Variants in PPP3CA observed in about 807,000 individuals in gnomAD.
The protein encoded by PPP3CA is protein phosphatase 3 catalytic subunit alpha.
PPP3CA carries 14 observed loss-of-function variants against 66.5 expected under a neutral mutation model. The observed-to-expected ratio is 0.21, with a 90% CI of 0.14 to 0.33. The LOEUF is 0.33. Ranked by LOEUF, PPP3CA falls within the 10% of genes least tolerant of loss-of-function variation. PPP3CA has a pLI of 1.00. For synonymous variants in PPP3CA, 232 were observed against 226.2 expected (o/e 1.03, Z -0.23); for missense variants, 317 against 639.5 (o/e 0.50, Z 5.44).
intron 1 of PPP3CA, among the ~76,000 whole-genome samples, chr4:101,247,739 G>T (rs1726534868): frequency 6.6e-6 from 1 of 152,148 alleles, no homozygotes; most frequent in Non-Finnish European, 1.5e-5. Context: ...ATAGAAAGTT[G>T]CTTACAGTTG....
intron 2 of PPP3CA, among the ~76,000 whole-genome samples, chr4:101,139,697 T>C (rs13125587): frequency 2.3e-5 from 1 of 44,432 alleles, no homozygotes; most frequent in African/African-American, 9.6e-5. Context: ...TTTTTTTGTG[T>C]TTTTTTTTTT....
At chr4:101,330,533 T>C in intron 1 of PPP3CA, 1 of 463,422 alleles carries the variant, frequency 2.2e-6, no homozygotes, top group Non-Finnish European at 4.4e-6. Context: ...TTTTTAAACA[T>C]AATGCTATTG....
intron 1 of PPP3CA, among the ~76,000 whole-genome samples, chr4:101,238,233 A>G (rs929557758): frequency 2.0e-5 from 3 of 152,128 alleles, no homozygotes; most frequent in Admixed American, 6.6e-5. Context: ...TTAAAAAGTC[A>G]TATCACTATA....
chr4:101,282,339 G>A (rs1161090639), intron 1 of PPP3CA, among the ~76,000 whole-genome samples: 4 of 152,194 alleles, frequency 2.6e-5, no homozygotes, highest in South Asian at 2.1e-4. Context: ...GTGATTAGAT[G>A]AGTGAAATGT....
intron 1 of PPP3CA, among the ~76,000 whole-genome samples, chr4:101,213,903 A>G (rs770271835): frequency 6.6e-6 from 1 of 152,162 alleles, no homozygotes; most frequent in Non-Finnish European, 1.5e-5. Context: ...CCTAGAGAAG[A>G]AGGAAATTGA....
At chr4:101,067,863 G>A in intron 8 of PPP3CA, among the ~76,000 whole-genome samples, 1 of 151,448 alleles carries the variant, frequency 6.6e-6, no homozygotes, top group Middle Eastern at 3.4e-3. Context: ...TTAAAGACCA[G>A]CTATCAAAAT....
Position 101,023,544 on chromosome 4 carries a change from A to T in PPP3CA, c.*2321T>A, listed in dbSNP as rs1207392172. On this transcript the variant is annotated 3_prime_UTR_variant, in exon 14 of 14. Coordinates refer to ENST00000394854, the MANE Select transcript of PPP3CA (RefSeq NM_000944.5). ...TAGTCAGGATATTTTCTCTGCAGTT[A>T]TAAGAAAGAAAATAAACACCATGAT... 2 of 152,364 alleles carry T rather than the reference A, an allele frequency of 1.3e-5. No individual in the cohort carries two copies. Among genetic ancestry groups the T allele is most frequent in the Admixed American group, 1.3e-4 (2 of 15,288 alleles). 9.4% of individuals were successfully genotyped at this position (152,364 alleles called of 1,614,324 possible). A position where few individuals can be genotyped will look rare whatever the true frequency, so the allele number is the denominator to read the frequency against.
chr4:101,329,027 CAT>C (rs58527987), intron 1 of PPP3CA, among the ~76,000 whole-genome samples: 16,090 of 151,930 alleles, frequency 0.11, 2,885 homozygotes, highest in African/African-American at 0.37. Context: ...AAAAGTTGCA[CAT>C]GTTTCACTTT....
rs144660011 is a variant in PPP3CA at position 101,143,077 on chromosome 4, C to T, written c.260-33999G>A. On this transcript the variant is annotated intron_variant, in intron 2 of 13. Transcript: ENST00000394854. ...TTCTCCTTAGCCTTCACTTTCAGCA[C>T]ATAGTTTAATTTCTACCACACAAGT... 6.2e-3 allele frequency among the ~76,000 whole-genome samples: 941 copies of T among 152,286 alleles called. 6 individuals carry two copies. The highest frequency in any genetic ancestry group is 8.8e-3 in the Non-Finnish European group (597 of 68,014).
intron 2 of PPP3CA, among the ~76,000 whole-genome samples, chr4:101,136,564 G>A (rs1377305000): frequency 1.3e-5 from 2 of 151,538 alleles, no homozygotes; most frequent in African/African-American, 2.4e-5. Flanking sequence ...TGTTCATGAA[G>A]CAATGTTTTT....
chr4:101,040,293 T>C (rs956565853), intron 11 of PPP3CA, among the ~76,000 whole-genome samples, 189 bp downstream of exon 11: 29 of 152,224 alleles, frequency 1.9e-4, no homozygotes, highest in African/African-American at 7.0e-4. Context: ...ATTTAGTAGA[T>C]TGCAATTTAA....
At chr4:101,249,428 C>G (rs1351583726) in intron 1 of PPP3CA, among the ~76,000 whole-genome samples, 1 of 151,592 alleles carries the variant, frequency 6.6e-6, no homozygotes, top group Non-Finnish European at 1.5e-5. Flanking sequence ...AATAAATTAC[C>G]TTGGAACAAG....
intron 2 of PPP3CA, among the ~76,000 whole-genome samples, chr4:101,146,413 A>G (rs1221379093): frequency 6.6e-6 from 1 of 152,146 alleles, no homozygotes; most frequent in Non-Finnish European, 1.5e-5. Flanking sequence ...TAGGACATTT[A>G]GGAGTAGTAG....
chr4:101,152,005 T>C (rs1305286765), intron 2 of PPP3CA, among the ~76,000 whole-genome samples: 1 of 152,104 alleles, frequency 6.6e-6, no homozygotes, highest in African/African-American at 2.4e-5. Flanking sequence ...ATTCTGGAAA[T>C]ACAAAATAGA....
At chr4:101,171,022 A>G (rs1723860572) in intron 2 of PPP3CA, 29 of 307,446 alleles carry the variant, frequency 9.4e-5, no homozygotes, top group South Asian at 7.9e-4. Context: ...ATCTACAGGA[A>G]TACTTAAATA....
At chr4:101,309,825 A>C (rs1728667689) in intron 1 of PPP3CA, among the ~76,000 whole-genome samples, 1 of 152,252 alleles carries the variant, frequency 6.6e-6, no homozygotes. Context: ...GGATATTCTT[A>C]TACAACTTAA....
intron 1 of PPP3CA, among the ~76,000 whole-genome samples, chr4:101,320,476 G>GTATGTA (rs1553941676): frequency 0.015 from 1,742 of 116,696 alleles, 35 homozygotes; most frequent in African/African-American, 0.066. Flanking sequence ...ATGTATGTAT[G>GTATGTA]TGTGTGTGTG....
At chr4:101,268,978 T>C (rs1423778477) in intron 1 of PPP3CA, among the ~76,000 whole-genome samples, 1 of 152,194 alleles carries the variant, frequency 6.6e-6, no homozygotes, top group Non-Finnish European at 1.5e-5. Flanking sequence ...AAAACTGCTA[T>C]GAAAATTACA....
At chr4:101,335,311 A>G (rs1729589710) in intron 1 of PPP3CA, among the ~76,000 whole-genome samples, 2 of 151,714 alleles carry the variant, frequency 1.3e-5, no homozygotes, top group South Asian at 4.2e-4. Context: ...GCACAAGTGA[A>G]AGCAAGCAGA....
Sources: gnomAD v4.1 joint callset for allele counts (sites outside exome capture counted in the v4.1 genomes callset) on GRCh38, gnomAD v4.1.1 for gene constraint, MANE v1.5 for transcripts, NCBI Gene and HGNC (gene_info 2026-07-23, HGNC 2026-07-21) for gene names.